Variants in HIBCH observed in about 807,000 individuals in gnomAD.
The protein encoded by HIBCH is 3-hydroxyisobutyryl-CoA hydrolase, mitochondrial.
HIBCH carries 50 observed loss-of-function variants against 58.2 expected under a neutral mutation model. The ratio of observed to expected loss-of-function variants is 0.86; its 90% confidence interval spans 0.68 to 1.09. HIBCH has a LOEUF of 1.09. Ranked by LOEUF, HIBCH falls within the 50% of genes least tolerant of loss-of-function variation. HIBCH has a pLI of 0.00. For synonymous variants in HIBCH, 151 were observed against 146.9 expected (o/e 1.03, Z -0.20); for missense variants, 450 against 449.7 (o/e 1.00, Z -0.01).
intron 4 of HIBCH, among the ~76,000 whole-genome samples, chr2:190,293,566 A>G (rs943274252): frequency 6.6e-6 from 1 of 152,260 alleles, no homozygotes; most frequent in Non-Finnish European, 1.5e-5. Flanking sequence ...CAAAGTTTTC[A>G]TTAAACTGCA....
At chr2:190,312,590 T>G (rs1348215232) in intron 1 of HIBCH, among the ~76,000 whole-genome samples, 1 of 152,248 alleles carries the variant, frequency 6.6e-6, no homozygotes, top group African/African-American at 2.4e-5. Context: ...CTTGGATGAC[T>G]GAATTTATAA....
chr2:190,269,293 G>C (rs1261809092), intron 6 of HIBCH, among the ~76,000 whole-genome samples: 2 of 152,112 alleles, frequency 1.3e-5, no homozygotes, highest in Admixed American at 6.5e-5. Flanking sequence ...AACGTGAACA[G>C]GCAACCTATG....
chr2:190,234,850 TCAAA>T (rs1686220045), intron 11 of HIBCH, among the ~76,000 whole-genome samples: 1 of 150,536 alleles, frequency 6.6e-6, no homozygotes, highest in African/African-American at 2.4e-5. Context: ...AAAAAAAACC[TCAAA>T]CAAAACGTAT....
Position 190,206,537 on chromosome 2 carries a change from C to T in HIBCH, c.1046-1305G>A, listed in dbSNP as rs1690395687. ...ACAAGTTCGTGCCATGTAGGCAGCT[C>T]AGGTTTTGCAAGTCTCCTGAGATAG... On this transcript the variant is annotated intron_variant, in intron 13 of 13. Coordinates refer to ENST00000359678, the MANE Select transcript of HIBCH (RefSeq NM_014362.4). This position sits in a 1 kb window ranked among gnomAD's most constrained non-coding sequence, Gnocchi z 5.1. 6.6e-6 allele frequency among the ~76,000 whole-genome samples: 1 copy of T among 152,124 alleles called. No homozygotes were observed. Among genetic ancestry groups the T allele is most frequent in the South Asian group, 2.1e-4 (1 of 4,828 alleles).
chr2:190,313,643 C>CAAAAAA (rs546101154), intron 1 of HIBCH, among the ~76,000 whole-genome samples: 20 of 78,832 alleles, frequency 2.5e-4, no homozygotes, highest in African/African-American at 5.5e-4. Context: ...CTCTGTCTCA[C>CAAAAAA]AAAAAAAAAA....
chr2:190,230,754 G>T (rs1375980121), intron 11 of HIBCH, among the ~76,000 whole-genome samples: 4 of 152,170 alleles, frequency 2.6e-5, no homozygotes, highest in Non-Finnish European at 5.9e-5. Flanking sequence ...TTCAGTCCCA[G>T]ATGGCTTTAC....
At chr2:190,199,263 A>G (rs1304899717), downstream of HIBCH, among the ~76,000 whole-genome samples, 2 of 152,176 alleles carry the variant, frequency 1.3e-5, no homozygotes, top group Non-Finnish European at 2.9e-5. Flanking sequence ...TGTGGGCCAC[A>G]TGGTCTGTCA....
chr2:190,283,333 TTA>T (rs1687752215), intron 6 of HIBCH, among the ~76,000 whole-genome samples: 1 of 152,094 alleles, frequency 6.6e-6, no homozygotes, highest in Non-Finnish European at 1.5e-5. Context: ...ATCACTCTCT[TTA>T]AAGTAGCCAA....
In HIBCH at chr2:190,261,316, T is replaced by C. The variant is rs1421604336; in HGVS notation, c.439-82A>G. ...CAAGCAAATTCACACACTTACAAAA[T>C]TACAAAGCAAGTAAATTATCTTTAT... On this transcript the variant is annotated intron_variant, in intron 6 of 13. Coordinates refer to ENST00000359678, the MANE Select transcript of HIBCH (RefSeq NM_014362.4). The C allele has an allele frequency of 3.0e-6, 3 of 992,282 alleles. No homozygotes were observed. In the African/African-American group the frequency reaches 4.8e-5, roughly 16 times the overall value. 61.5% of individuals were successfully genotyped at this position (992,282 alleles called of 1,614,324 possible).
At chr2:190,239,920 G>T (rs542296432) in intron 11 of HIBCH, among the ~76,000 whole-genome samples, 4 of 152,144 alleles carry the variant, frequency 2.6e-5, no homozygotes, top group Non-Finnish European at 5.9e-5. Flanking sequence ...AAAGTGCTGG[G>T]ATTACAGGCA....
chr2:190,232,912 C>T (rs551246362), intron 11 of HIBCH, among the ~76,000 whole-genome samples: 21 of 152,098 alleles, frequency 1.4e-4, no homozygotes, highest in Admixed American at 1.2e-3. Context: ...GAGCCGAGAT[C>T]ATGCCACTGC....
chr2:190,218,982 C>T (rs1055724503), intron 11 of HIBCH, among the ~76,000 whole-genome samples: 1 of 152,194 alleles, frequency 6.6e-6, no homozygotes, highest in Non-Finnish European at 1.5e-5. Flanking sequence ...CAAACAAAGG[C>T]AACTACTCAG....
chr2:190,317,446 C>A (rs2124880807), intron 1 of HIBCH, among the ~76,000 whole-genome samples: 1 of 152,296 alleles, frequency 6.6e-6, no homozygotes, highest in Admixed American at 6.5e-5. Flanking sequence ...TGCTTCCCAG[C>A]AAGTAGAACA....
chr2:190,265,688 G>A (rs1208231140), intron 6 of HIBCH, among the ~76,000 whole-genome samples: 2 of 151,946 alleles, frequency 1.3e-5, no homozygotes, highest in Non-Finnish European at 2.9e-5. Flanking sequence ...TAACCCCTGG[G>A]ACTGAAATTT....
intron 1 of HIBCH, among the ~76,000 whole-genome samples, chr2:190,318,267 T>C (rs532084503): frequency 2.0e-4 from 29 of 148,540 alleles, no homozygotes; most frequent in African/African-American, 7.2e-4. Context: ...AAAAAAAAAG[T>C]CCAAGAGCTA....
rs1291228918 is a variant in HIBCH at position 190,243,255 on chromosome 2, T to A, written c.891+1632A>T. 6.6e-6 allele frequency among the ~76,000 whole-genome samples: 1 copy of A among 152,184 alleles called. No homozygotes were observed. The highest frequency in any genetic ancestry group is 6.5e-5 in the Admixed American group (1 of 15,278). ...GAGAGACTGGCCTAGCCTCCCAGCC[T>A]GTATCTTTCTCCCATGCTGGATGCT... On this transcript the variant is annotated intron_variant, in intron 11 of 13. Coordinates refer to ENST00000359678, the MANE Select transcript of HIBCH (RefSeq NM_014362.4). This position sits in a 1 kb window ranked among gnomAD's most constrained non-coding sequence, Gnocchi z 4.1.
intron 11 of HIBCH, among the ~76,000 whole-genome samples, chr2:190,244,421 T>TA (rs1232838587): frequency 2.0e-5 from 3 of 152,170 alleles, no homozygotes; most frequent in Non-Finnish European, 2.9e-5. Context: ...TGGCAAGAGA[T>TA]AGAGTCTCTT....
chr2:190,202,900 C>T, downstream of HIBCH: 2 of 167,202 alleles, frequency 1.2e-5, no homozygotes. Context: ...TGTTACCTTT[C>T]AGTTACATGC....
chr2:190,308,692 TAAG>T (rs1252037727), intron 2 of HIBCH, among the ~76,000 whole-genome samples: 1 of 152,172 alleles, frequency 6.6e-6, no homozygotes, highest in Admixed American at 6.5e-5. Context: ...TCCGTAACGA[TAAG>T]AAATAAATTC....
Sources: allele counts gnomAD v4.1 joint callset (sites outside exome capture counted in the v4.1 genomes callset), GRCh38; gene constraint gnomAD v4.1.1; non-coding constraint Gnocchi (gnomAD v3.1); transcripts MANE v1.5; gene names NCBI Gene and HGNC (gene_info 2026-07-23, HGNC 2026-07-21).